DLGAP1: variants seen among roughly 807,000 people sequenced by gnomAD.
The protein encoded by DLGAP1 is disks large-associated protein 1.
A neutral mutation model predicts 90.8 loss-of-function variants in DLGAP1; 11 were observed. That is an observed-to-expected ratio of 0.12 (90% CI 0.08 to 0.20). The LOEUF (loss-of-function observed/expected upper bound fraction) is 0.20. Among genes scored for constraint, DLGAP1 ranks in the 10% least tolerant of loss-of-function variants. The pLI, the probability that DLGAP1 is intolerant of heterozygous loss-of-function variation, is 1.00. For missense variants in DLGAP1, 1,050 were observed against 1,333.8 expected, an observed-to-expected ratio of 0.79 and a Z score of 3.31; for synonymous variants, 558 against 540.7, an observed-to-expected ratio of 1.03 and a Z score of -0.44.
chr18:4,189,174 G>A (rs913050371), intron 1 of DLGAP1, among the ~76,000 whole-genome samples: 2 of 152,084 alleles, frequency 1.3e-5, no homozygotes, highest in Non-Finnish European at 2.9e-5. Flanking sequence ...GGGCCTGCTT[G>A]TTACCAATGA....
chr18:3,601,726 TC>T (rs1362963441), intron 7 of DLGAP1, among the ~76,000 whole-genome samples: 6 of 151,474 alleles, frequency 4.0e-5, no homozygotes, highest in African/African-American at 1.2e-4. Flanking sequence ...GCCCCAGTAA[TC>T]CCAGCTACTT....
At chr18:4,269,574 T>A (rs2079223833) in intron 1 of DLGAP1, among the ~76,000 whole-genome samples, 1 of 151,956 alleles carries the variant, frequency 6.6e-6, no homozygotes. Flanking sequence ...CAGGATGGTC[T>A]CGATCTCCTG....
chr18:4,087,391 G>A (rs1361658880), intron 2 of DLGAP1, among the ~76,000 whole-genome samples: 2 of 152,262 alleles, frequency 1.3e-5, no homozygotes, highest in Non-Finnish European at 2.9e-5. Flanking sequence ...ACTGCTTAAG[G>A]TGTTCTTAAA....
At chr18:3,680,310 G>C (rs1282200279) in intron 7 of DLGAP1, 3 of 152,640 alleles carry the variant, frequency 2.0e-5, no homozygotes, top group African/African-American at 7.2e-5. Flanking sequence ...CTGTCCTCAG[G>C]GCATCCACAG....
intron 7 of DLGAP1, chr18:3,597,176 A>G (rs965878601): frequency 1.9e-6 from 1 of 519,396 alleles, no homozygotes; most frequent in Non-Finnish European, 3.8e-6. Context: ...TTGCACACAG[A>G]TGGATATCTG....
chr18:3,949,638 A>G (rs1247702020), intron 3 of DLGAP1, among the ~76,000 whole-genome samples: 1 of 152,224 alleles, frequency 6.6e-6, no homozygotes, highest in Non-Finnish European at 1.5e-5. Context: ...TTGTCGATGC[A>G]GGACATCCTC....
At chr18:4,385,588 C>A (rs7243401) in intron 1 of DLGAP1, among the ~76,000 whole-genome samples, 5 of 151,888 alleles carry the variant, frequency 3.3e-5, no homozygotes, top group African/African-American at 7.3e-5. Context: ...ATAAAACAAG[C>A]GCCATGGGAA....
intron 7 of DLGAP1, among the ~76,000 whole-genome samples, chr18:3,705,037 A>C (rs910632167): frequency 6.6e-6 from 1 of 152,238 alleles, no homozygotes; most frequent in African/African-American, 2.4e-5. Flanking sequence ...AAAAGTGTGC[A>C]TCTCTAAGGA....
At chr18:3,787,502 A>G (rs2148189879) in intron 5 of DLGAP1, among the ~76,000 whole-genome samples, 1 of 143,820 alleles carries the variant, frequency 7.0e-6, no homozygotes, top group East Asian at 2.1e-4. Context: ...AAAAAAAAAA[A>G]AAAAAAAAAA....
At chr18:4,446,365 A>G (rs914928973) in intron 1 of DLGAP1, among the ~76,000 whole-genome samples, 9 of 152,130 alleles carry the variant, frequency 5.9e-5, no homozygotes, top group Non-Finnish European at 8.8e-5. Flanking sequence ...GAGTTTAATC[A>G]GATCCTAGAG....
Position 4,251,023 on chromosome 18 carries a change from A to G in DLGAP1, c.-266-99736T>C, listed in dbSNP as rs577380832. On this transcript the variant is annotated intron_variant, in intron 1 of 12. Coordinates refer to ENST00000315677, the MANE Select transcript of DLGAP1 (RefSeq NM_004746.4). ...CACAAGAAGAATTTACACAAGTGAAATCTATAATGCCCCAGGAAACAGCGT... is the reference window on the plus strand; with the variant it reads ...CACAAGAAGAATTTACACAAGTGAAGTCTATAATGCCCCAGGAAACAGCGT... Among the ~76,000 whole-genome samples the G allele has an allele frequency of 1.6e-4, 24 of 152,298 alleles. No individual in the cohort carries two copies. The South Asian group carries it at 4.8e-3, about 30-fold the overall frequency.
intron 2 of DLGAP1, among the ~76,000 whole-genome samples, chr18:4,107,385 A>G (rs2075887252): frequency 6.6e-6 from 1 of 152,176 alleles, no homozygotes; most frequent in Non-Finnish European, 1.5e-5. Context: ...AGCCCGTGCG[A>G]TCGATGAAGA....
chr18:3,523,787 G>T (rs1265638212), intron 10 of DLGAP1, among the ~76,000 whole-genome samples: 1 of 151,204 alleles, frequency 6.6e-6, no homozygotes, highest in African/African-American at 2.4e-5. Context: ...GGCGGAGCTT[G>T]CAGTGAGCTG....
rs189313122 is a variant in DLGAP1 at position 4,168,264 on chromosome 18, G to A, written c.-266-16977C>T. ...CATTCAATTCTATGAAACAGAACAG[G>A]AAACCCAGAAATAGGTCCTCAAAAA... On this transcript the variant is annotated intron_variant, in intron 1 of 12. Transcript: ENST00000315677. 3.6e-3 allele frequency among the ~76,000 whole-genome samples: 541 copies of A among 152,204 alleles called. 1 individual carries two copies. Among genetic ancestry groups the A allele is most frequent in the Non-Finnish European group, 4.5e-3 (303 of 68,008 alleles).
chr18:3,702,948 A>C (rs1275697116), intron 7 of DLGAP1, among the ~76,000 whole-genome samples: 1 of 152,202 alleles, frequency 6.6e-6, no homozygotes, highest in African/African-American at 2.4e-5. Flanking sequence ...ACTTTGTCTT[A>C]GAAATTGACA....
At chr18:3,530,253 A>T (rs2144395259) in intron 10 of DLGAP1, among the ~76,000 whole-genome samples, 2 of 152,200 alleles carry the variant, frequency 1.3e-5, no homozygotes, top group South Asian at 4.2e-4. Context: ...AAAATTTTTT[A>T]AAAATTAGCC....
At chr18:4,031,022 A>G (rs1419290904) in intron 2 of DLGAP1, among the ~76,000 whole-genome samples, 1 of 152,126 alleles carries the variant, frequency 6.6e-6, no homozygotes, top group African/African-American at 2.4e-5. Context: ...AAATCCCCTC[A>G]TTAAACCCTA....
chr18:3,632,050 C>T (rs989727041), intron 7 of DLGAP1, among the ~76,000 whole-genome samples: 2 of 152,162 alleles, frequency 1.3e-5, no homozygotes, highest in Non-Finnish European at 2.9e-5. Flanking sequence ...GATGGGGTTA[C>T]AGGCATGAGC....
In DLGAP1 at chr18:3,653,126, A is replaced by G. The variant is rs1297167806; in HGVS notation, c.1592-70878T>C. Among the ~76,000 whole-genome samples the G allele has an allele frequency of 6.6e-6, 1 of 152,166 alleles. No homozygotes were observed. The highest frequency in any genetic ancestry group is 1.5e-5 in the Non-Finnish European group (1 of 68,038). ...TGGCCCTACTGGTGAAAATATGTAG[A>G]CCTAACATCTATCTCCCTGCTCCAG... is the stretch of plus-strand genomic sequence containing the variant. On this transcript the variant is annotated intron_variant, in intron 7 of 12. Transcript: ENST00000315677. This position sits in a 1 kb window ranked among gnomAD's most constrained non-coding sequence, Gnocchi z 4.6.
Sources: gnomAD v4.1 joint callset for allele counts (sites outside exome capture counted in the v4.1 genomes callset) on GRCh38, gnomAD v4.1.1 for gene constraint, Gnocchi (gnomAD v3.1) non-coding constraint, MANE v1.5 for transcripts, NCBI Gene and HGNC (gene_info 2026-07-23, HGNC 2026-07-21) for gene names.